KSR2: variants seen among roughly 807,000 people sequenced by gnomAD.
KSR2 encodes the protein kinase suppressor of ras 2.
In KSR2, 25 loss-of-function variants were observed where a neutral mutation model predicts 107.8. The observed-to-expected ratio is 0.23, with a 90% confidence interval of 0.17 to 0.32. KSR2 has a LOEUF of 0.32. KSR2 is among the 10% of genes least tolerant of loss of function. KSR2 has a pLI of 1.00. For synonymous variants in KSR2, 480 were observed against 507.0 expected (o/e 0.95, Z 0.71); for missense variants, 887 against 1,268.9 (o/e 0.70, Z 4.57).
At chr12:117,820,514 C>G (rs1891528503) in intron 3 of KSR2, among the ~76,000 whole-genome samples, 1 of 152,206 alleles carries the variant, frequency 6.6e-6, no homozygotes, top group South Asian at 2.1e-4. Context: ...GGATAAATCA[C>G]TAAATCAGAT....
intron 1 of KSR2, among the ~76,000 whole-genome samples, chr12:117,954,476 G>C (rs1896450688): frequency 6.6e-6 from 1 of 152,230 alleles, no homozygotes; most frequent in African/African-American, 2.4e-5. Flanking sequence ...CAGGAATCCT[G>C]TTCCCTTCTG....
At chr12:117,965,003 T>A (rs1453433245) in intron 1 of KSR2, among the ~76,000 whole-genome samples, 3 of 152,242 alleles carry the variant, frequency 2.0e-5, no homozygotes, top group Admixed American at 2.0e-4. Context: ...TTTCAGGCAA[T>A]GGATCATGAT....
intron 10 of KSR2, among the ~76,000 whole-genome samples, chr12:117,534,468 C>T (rs1455560958): frequency 2.0e-5 from 3 of 152,024 alleles, no homozygotes; most frequent in Non-Finnish European, 4.4e-5. Context: ...GACTCTTAGC[C>T]ATCTTAGCTA....
At chr12:117,486,857 G>T (rs1292467942) in intron 14 of KSR2, among the ~76,000 whole-genome samples, 1 of 152,204 alleles carries the variant, frequency 6.6e-6, no homozygotes, top group Non-Finnish European at 1.5e-5. Flanking sequence ...TACGAGGATT[G>T]AATGAGATAA....
intron 5 of KSR2, among the ~76,000 whole-genome samples, chr12:117,587,373 C>T (rs1049133518): frequency 6.6e-6 from 1 of 151,966 alleles, no homozygotes; most frequent in Non-Finnish European, 1.5e-5. Context: ...CAATGAAAGC[C>T]GAGGTCAGAG....
chr12:117,724,208 T>C (rs890125144), intron 4 of KSR2, among the ~76,000 whole-genome samples: 4 of 151,158 alleles, frequency 2.6e-5, no homozygotes, highest in Non-Finnish European at 5.9e-5. Flanking sequence ...CTTAGGAGGC[T>C]TACGTGGGAG....
chr12:117,652,888 A>G (rs1410731118), intron 5 of KSR2, among the ~76,000 whole-genome samples: 10 of 152,210 alleles, frequency 6.6e-5, no homozygotes, highest in Admixed American at 6.5e-4. Flanking sequence ...TCATTTCCCC[A>G]GTGCCAGAAT....
At chr12:117,678,466 A>AC (rs1885234671) in intron 4 of KSR2, among the ~76,000 whole-genome samples, 1 of 151,934 alleles carries the variant, frequency 6.6e-6, no homozygotes, top group South Asian at 2.1e-4. Flanking sequence ...CCTCACTATG[A>AC]CCCAAGAGCT....
At chr12:117,554,000 TGA>T (rs1877491679) in intron 9 of KSR2, among the ~76,000 whole-genome samples, 2 of 152,182 alleles carry the variant, frequency 1.3e-5, no homozygotes, top group African/African-American at 4.8e-5. Context: ...CCTGCAGAAC[TGA>T]GAGCCAAATA....
intron 1 of KSR2, among the ~76,000 whole-genome samples, chr12:117,951,666 A>G (rs1896367515): frequency 6.6e-6 from 1 of 152,118 alleles, no homozygotes; most frequent in Non-Finnish European, 1.5e-5. Context: ...TGGATCAGAG[A>G]CTCATCAGAG....
At chr12:117,828,194 G>A (rs1226814148) in intron 3 of KSR2, among the ~76,000 whole-genome samples, 1 of 152,126 alleles carries the variant, frequency 6.6e-6, no homozygotes, top group African/African-American at 2.4e-5. Flanking sequence ...CCAGTGTCCG[G>A]TATGCAGTAA....
At chr12:117,574,199 T>A (rs1879106250) in intron 7 of KSR2, among the ~76,000 whole-genome samples, 1 of 151,968 alleles carries the variant, frequency 6.6e-6, no homozygotes, top group South Asian at 2.1e-4. Context: ...AACTGTTTTT[T>A]TTTTTCTTTT....
intron 4 of KSR2, among the ~76,000 whole-genome samples, chr12:117,732,561 A>G (rs775529479): frequency 3.3e-5 from 5 of 152,098 alleles, no homozygotes; most frequent in African/African-American, 4.8e-5. Flanking sequence ...AACTGCTGGG[A>G]TTACAGGTGT....
intron 1 of KSR2, among the ~76,000 whole-genome samples, chr12:117,934,259 C>T (rs183358378): frequency 7.9e-4 from 121 of 152,216 alleles, no homozygotes; most frequent in African/African-American, 2.8e-3. Context: ...GGACTGATCT[C>T]GCTCCCTGGC....
chr12:117,692,961 C>T (rs991669458), intron 4 of KSR2, among the ~76,000 whole-genome samples: 3 of 152,198 alleles, frequency 2.0e-5, no homozygotes, highest in African/African-American at 7.2e-5. Context: ...TGAAAATATT[C>T]TGGAACTATT....
intron 5 of KSR2, among the ~76,000 whole-genome samples, chr12:117,596,183 AT>A (rs1220013508): frequency 6.6e-6 from 1 of 152,096 alleles, no homozygotes. Context: ...CCTCACAATC[AT>A]GGCGGAAGGC....
intron 5 of KSR2, among the ~76,000 whole-genome samples, chr12:117,595,954 G>A: frequency 6.6e-6 from 1 of 152,090 alleles, no homozygotes; most frequent in East Asian, 1.9e-4. Flanking sequence ...ATTGCTTCAG[G>A]CAAAGACATA....
chr12:117,706,039 CTTTTTT>C (rs35761064), intron 4 of KSR2, among the ~76,000 whole-genome samples: 3 of 114,708 alleles, frequency 2.6e-5, no homozygotes. Flanking sequence ...GTTGTTGGGT[CTTTTTT>C]TTTTTTTTTT....
At chr12:117,666,610 G>C (rs1410142442) in intron 5 of KSR2, among the ~76,000 whole-genome samples, 1 of 152,238 alleles carries the variant, frequency 6.6e-6, no homozygotes, top group Non-Finnish European at 1.5e-5. Flanking sequence ...CCCTGCCTGT[G>C]AGTGATTAGC....
Sources: allele counts gnomAD v4.1 joint callset (sites outside exome capture counted in the v4.1 genomes callset), GRCh38; gene constraint gnomAD v4.1.1; transcripts MANE v1.5; gene names NCBI Gene and HGNC (gene_info 2026-07-23, HGNC 2026-07-21).